The following PTPRF variants were observed in gnomAD, a reference collection of about 807,000 sequenced individuals.
PTPRF encodes the protein protein tyrosine phosphatase receptor type F, also known as receptor-type tyrosine-protein phosphatase F.
PTPRF carries 59 observed loss-of-function variants against 201.8 expected under a neutral mutation model. That is an observed-to-expected ratio of 0.29 (90% CI 0.24 to 0.36). PTPRF has a LOEUF of 0.36. Ranked by LOEUF, PTPRF falls within the 10% of genes least tolerant of loss-of-function variation. The pLI, the probability that PTPRF is intolerant of heterozygous loss-of-function variation, is 1.00. For synonymous variants in PTPRF, 1,088 were observed against 1,089.7 expected (o/e 1.00, Z 0.03); for missense variants, 2,132 against 2,690.5 (o/e 0.79, Z 4.59).
chr1:43,566,574 G>A (rs141282046), intron 5 of PTPRF, among the ~76,000 whole-genome samples: 2 of 152,224 alleles, frequency 1.3e-5, no homozygotes, highest in Admixed American at 6.5e-5. Flanking sequence ...TGATAGATCA[G>A]TTTACACCAG....
Position 43,621,150 on chromosome 1 carries a change from G to A in PTPRF, c.5573G>A (p.Arg1858His), listed in dbSNP as rs1175556576. 3.1e-6 allele frequency: 5 copies of A among 1,614,092 alleles called. No homozygotes were observed. The highest frequency in any genetic ancestry group is 3.4e-6 in the Non-Finnish European group (4 of 1,179,938). The change falls in exon 33 of 34, where the codon CGC becomes CAC. Residue 1858 changes from arginine to histidine, a missense_variant. Physicochemically the swap from Arg to His is conservative, Grantham distance 29 (BLOSUM62 0). Transcript: ENST00000359947. ...ATCACTCTGAGCATCGTCCTGGAGC[G>A]CATGCGCTACGAGGGCGTGGTCGAC... ...VFITLSIVLE[R>H]MRYEGVVDMF... is the part of the protein sequence containing the mutation.
chr1:43,530,201 C>T (rs1643320000), upstream of PTPRF, among the ~76,000 whole-genome samples: 1 of 151,882 alleles, frequency 6.6e-6, no homozygotes, highest in Non-Finnish European at 1.5e-5. The surrounding 1 kb of genome is among the most constrained non-coding windows in gnomAD (Gnocchi z 4.1). Flanking sequence ...AATTGAGAAT[C>T]GAATTCAGAG....
At chr1:43,529,575 C>A (rs562457275), upstream of PTPRF, among the ~76,000 whole-genome samples, 1 of 152,298 alleles carries the variant, frequency 6.6e-6, no homozygotes, top group South Asian at 2.1e-4. Flanking sequence ...AGTTACCTGA[C>A]CCAGGGCAGT....
Position 43,622,017 on chromosome 1 carries a change from C to G in PTPRF, c.*14C>G. 6.2e-7 allele frequency: 1 copy of G among 1,613,406 alleles called. No individual in the cohort carries two copies. Among genetic ancestry groups the G allele is most frequent in the Non-Finnish European group, 8.5e-7 (1 of 1,179,486 alleles). ...TATGCAACGTAACTACCGCTCCCCT[C>G]TCCTCCGCCACCCCCGCCGTGGGGC... is the stretch of plus-strand genomic sequence containing the variant. On this transcript the variant is annotated 3_prime_UTR_variant, in exon 34 of 34. Coordinates refer to ENST00000359947, the MANE Select transcript of PTPRF (RefSeq NM_002840.5).
intron 21 of PTPRF, 144 bp from the exon 22 acceptor site, chr1:43,609,239 C>CCG: frequency 1.5e-6 from 1 of 656,458 alleles, no homozygotes; most frequent in African/African-American, 1.8e-5. Context: ...CCTGGCTCCT[C>CCG]CGCGCTCAGA....
Position 43,556,668 on chromosome 1 carries a change from G to A in PTPRF, c.379+2727G>A, listed in dbSNP as rs189895782. Among the ~76,000 whole-genome samples, 930 of 152,298 alleles carry A rather than the reference G, an allele frequency of 6.1e-3. 6 individuals carry two copies. Among genetic ancestry groups the A allele is most frequent in the African/African-American group, 0.019 (779 of 41,556 alleles). Reference sequence around the variant, plus strand: ...CCACTCACTTCTCGTGTGTCTTTGGGTTAGTAACTATGCCTCTGACCCTCA... The same window carrying A: ...CCACTCACTTCTCGTGTGTCTTTGGATTAGTAACTATGCCTCTGACCCTCA... On this transcript the variant is annotated intron_variant, in intron 5 of 33. Coordinates refer to ENST00000359947, the MANE Select transcript of PTPRF (RefSeq NM_002840.5).
rs995097672 is a variant in PTPRF, at chr1:43,622,390, C to T, written c.*387C>T. 8 of 205,734 alleles carry T rather than the reference C, an allele frequency of 3.9e-5. No homozygotes were observed. The highest frequency in any genetic ancestry group is 2.5e-4 in the East Asian group (2 of 7,926). The allele number at this position is 205,734 out of a possible 1,614,324, so 12.7% of individuals were successfully genotyped here. A position where few individuals can be genotyped will look rare whatever the true frequency, so the allele number is the denominator to read the frequency against. Reference sequence around the variant, plus strand: ...GCCTCTTCCCTCTGATTTTTCCTTTCGCGAATCCGTATCTGCAGAATGGGC... The same window carrying T: ...GCCTCTTCCCTCTGATTTTTCCTTTTGCGAATCCGTATCTGCAGAATGGGC... On this transcript the variant is annotated 3_prime_UTR_variant, in exon 34 of 34. Coordinates refer to ENST00000359947, the MANE Select transcript of PTPRF (RefSeq NM_002840.5).
At position 43,609,241 on chromosome 1, in the gene PTPRF, G is replaced by A. The variant is rs561354409; in HGVS notation, c.3858-142G>A. On this transcript the variant is annotated intron_variant, in intron 21 of 33. Transcript: ENST00000359947. Reference sequence around the variant, plus strand: ...AGGCTGTTCTGGCCCTGGCTCCTCCGCGCTCAGAGATCCTGGGAAGAGGTG... The same window carrying A: ...AGGCTGTTCTGGCCCTGGCTCCTCCACGCTCAGAGATCCTGGGAAGAGGTG... The A allele has an allele frequency of 3.7e-4, 243 of 657,894 alleles. 2 individuals carry two copies. In the East Asian group the frequency reaches 6.2e-3, roughly 17 times the overall value. 40.8% of individuals were successfully genotyped at this position (657,894 alleles called of 1,614,324 possible).
intron 2 of PTPRF, among the ~76,000 whole-genome samples, chr1:43,543,439 A>G (rs945457428): frequency 6.6e-6 from 1 of 152,216 alleles, no homozygotes; most frequent in Non-Finnish European, 1.5e-5. Flanking sequence ...GAACTGGTGT[A>G]AATGAAGGCT....
intron 6 of PTPRF, among the ~76,000 whole-genome samples, chr1:43,570,366 G>A: frequency 6.6e-6 from 1 of 152,258 alleles, no homozygotes; most frequent in Non-Finnish European, 1.5e-5. Context: ...CTGCCTGTGA[G>A]GCTCCTGCCA....
intron 7 of PTPRF, among the ~76,000 whole-genome samples, chr1:43,583,471 G>A (rs1484325605): frequency 6.6e-6 from 1 of 152,192 alleles, no homozygotes; most frequent in Non-Finnish European, 1.5e-5. Context: ...AGAGAGAGGT[G>A]TAAGACCTGT....
rs1321585184 is a variant in PTPRF at position 43,604,879 on chromosome 1, C to T, written c.3038-24C>T. On this transcript the variant is annotated intron_variant, in intron 16 of 33. Coordinates refer to ENST00000359947, the MANE Select transcript of PTPRF (RefSeq NM_002840.5). ...ACCCCACCTCATATACCCAGCAGAG[C>T]TGACTCTCTCTATGCCTTTGCAGTG... 7 of 1,605,106 alleles carry T rather than the reference C, an allele frequency of 4.4e-6. No individual in the cohort carries two copies. The Admixed American group carries it at 5.0e-5, about 11-fold the overall frequency.
chr1:43,554,766 G>A lies in PTPRF; in HGVS notation c.379+825G>A, dbSNP rs1241040662. Among the ~76,000 whole-genome samples, 3 of 152,162 alleles carry A rather than the reference G, an allele frequency of 2.0e-5. No individual in the cohort carries two copies. The highest frequency in any genetic ancestry group is 2.9e-5 in the Non-Finnish European group (2 of 68,024). On this transcript the variant is annotated intron_variant, in intron 5 of 33. Coordinates refer to ENST00000359947, the MANE Select transcript of PTPRF (RefSeq NM_002840.5). The surrounding 1 kb of genome is among the most constrained non-coding windows in gnomAD (Gnocchi z 4.1). Reference sequence around the variant, plus strand: ...GCGGGGGTGACATGATCAGACCCCAGCCACAACTGATTCATCAGTCTGAAT... The same window carrying A: ...GCGGGGGTGACATGATCAGACCCCAACCACAACTGATTCATCAGTCTGAAT...
chr1:43,586,508 T>C (rs1025592538), intron 7 of PTPRF, among the ~76,000 whole-genome samples: 4 of 152,234 alleles, frequency 2.6e-5, no homozygotes, highest in African/African-American at 7.2e-5. Flanking sequence ...TGCCCCGGGA[T>C]CCACCTGTTC....
Position 43,604,177 on chromosome 1 carries a change from C to A in PTPRF, c.3025C>A (p.Pro1009Thr), listed in dbSNP as rs890253672. The change falls in exon 16 of 34, where the codon CCG (proline) becomes ACG (threonine). Residue 1009 changes from proline to threonine, a missense_variant. Pro to Thr is a conservative substitution (Grantham distance 38, BLOSUM62 -1). Around this residue, in one of 6 missense-constraint regions of PTPRF, gnomAD observed 818 missense variants for 915.3 expected, o/e 0.89. Coordinates refer to ENST00000359947, the MANE Select transcript of PTPRF (RefSeq NM_002840.5). The stretch of plus-strand genomic sequence containing the variant: ...CCCCAGCATCCAGTCCCGGACCATG[C>A]CGGTGGAGCAAGGTGTGTGCTGTGG... ...LSPSIQSRTM[P>T]VEQVFAKNFR... The A allele has an allele frequency of 1.2e-6, 2 of 1,613,538 alleles. No individual in the cohort carries two copies. The highest frequency in any genetic ancestry group is 1.7e-6 in the Non-Finnish European group (2 of 1,179,784).
At position 43,620,940 on chromosome 1, in the gene PTPRF, C is replaced by G; in HGVS notation, c.5467C>G (p.His1823Asp). 1 of 1,614,168 alleles carries G rather than the reference C, an allele frequency of 6.2e-7. No homozygotes were observed. ...ATTCATTGACTTCATCGGGCAGGTG[C>G]ATAAGACCAAGGAGCAGTTTGGACA... ...EGFIDFIGQV[H>D]KTKEQFGQDG... Residue 1823 changes from histidine to aspartate, a missense_variant, in exon 32 of 34, where the codon CAT becomes GAT. By Grantham distance (81) the His-to-Asp change is moderately conservative. This residue lies in a region of PTPRF where 519 missense variants were observed against 659.5 expected (regional missense o/e 0.79). Transcript: ENST00000359947.
chr1:43,556,090 C>T (rs781281629), intron 5 of PTPRF, among the ~76,000 whole-genome samples: 43 of 152,188 alleles, frequency 2.8e-4, no homozygotes, highest in Non-Finnish European at 1.5e-4. Context: ...ATATTTTTTG[C>T]CAAGTTAATA....
chr1:43,608,720 G>A (rs1232400672), intron 21 of PTPRF, among the ~76,000 whole-genome samples: 1 of 152,246 alleles, frequency 6.6e-6, no homozygotes, highest in African/African-American at 2.4e-5. Context: ...TGGAACAGCA[G>A]AGAGGCATGT....
At chr1:43,525,135 C>T (rs1169248960), upstream of PTPRF, 2 of 152,214 alleles carry the variant, frequency 1.3e-5, no homozygotes, top group Non-Finnish European at 2.9e-5. Flanking sequence ...ACCTTGGCAT[C>T]TAAGTTGGAC....
Sources: allele counts gnomAD v4.1 joint callset (sites outside exome capture counted in the v4.1 genomes callset), GRCh38; gene constraint gnomAD v4.1.1; regional missense constraint gnomAD v4.1.1; non-coding constraint Gnocchi (gnomAD v3.1); transcripts MANE v1.5; gene names NCBI Gene and HGNC (gene_info 2026-07-23, HGNC 2026-07-21).